MCF2: variants seen among roughly 807,000 people sequenced by gnomAD.
MCF2 encodes MCF.2 cell line derived transforming sequence.
In MCF2, 44 loss-of-function variants were observed where a neutral mutation model predicts 82.5. The observed-to-expected ratio is 0.53, with a 90% CI of 0.42 to 0.69. The LOEUF (loss-of-function observed/expected upper bound fraction) is 0.69. Ranked by LOEUF, MCF2 falls within the 30% of genes least tolerant of loss-of-function variation. The probability of loss-of-function intolerance (pLI) is 0.00; values close to 1 mark genes in which losing one functional copy is unlikely to be tolerated. For missense variants in MCF2, 623 were observed against 663.1 expected, an observed-to-expected ratio of 0.94 and a Z score of 0.66; for synonymous variants, 217 against 224.9, an observed-to-expected ratio of 0.96 and a Z score of 0.32.
chrX:139,662,619 A>G (rs1195587777), intron 1 of MCF2, among the ~76,000 whole-genome samples: 1 of 111,184 alleles, frequency 9.0e-6, no homozygotes, highest in East Asian at 2.8e-4. Flanking sequence ...ATTTTGTTAC[A>G]TGTATATAAT....
At chrX:139,696,348 TCTCCTCTC>T (rs1569405723) in intron 1 of MCF2, among the ~76,000 whole-genome samples, 1,277 of 99,050 alleles carry the variant, frequency 0.013, 17 homozygotes, top group African/African-American at 0.045. Flanking sequence ...TCTTCTCTCC[TCTCCTCTC>T]CTCTCCTCTC....
rs1931763858 is a variant in MCF2, at chrX:139,614,736, G to T, written c.1363+145C>A. The T allele has an allele frequency of 9.4e-6, 5 of 534,246 alleles. No individual in the cohort carries two copies. In the South Asian group the frequency reaches 1.6e-4, roughly 17 times the overall value. The allele number at this position is 534,246 out of a possible 1,213,427, so 44.0% of individuals were successfully genotyped here. On this transcript the variant is annotated intron_variant, in intron 10 of 24. Coordinates refer to ENST00000370576, the Ensembl canonical transcript of MCF2. ...GTACAATAACCTCAATCTGACTCTT[G>T]CCTTGCACAATATAAATATGACCAA... is the stretch of plus-strand genomic sequence containing the variant.
At chrX:139,650,535 T>A (rs112076697) in intron 2 of MCF2, among the ~76,000 whole-genome samples, 12,724 of 111,211 alleles carry the variant, frequency 0.11, 666 homozygotes, top group Admixed American at 0.22. Flanking sequence ...TTCGTCTTTA[T>A]AAAAACAATG....
intron 1 of MCF2, among the ~76,000 whole-genome samples, chrX:139,654,568 G>A (rs777898985): frequency 1.8e-5 from 2 of 111,823 alleles, no homozygotes; most frequent in Non-Finnish European, 3.8e-5. Flanking sequence ...GATAGTTTGC[G>A]AATATTTTCT....
rs749225913 is a variant in MCF2 at position 139,610,273 on chromosome X, C to G, written c.1401+28G>C. On this transcript the variant is annotated intron_variant, in intron 11 of 24. Coordinates refer to ENST00000370576, the Ensembl canonical transcript of MCF2. ...AACTCTGCAACTAAAGCAATAAAGTCAATTTTGAATTAATTAATGATATTT... is the reference window on the plus strand; with the variant it reads ...AACTCTGCAACTAAAGCAATAAAGTGAATTTTGAATTAATTAATGATATTT... 4.2e-5 allele frequency: 44 copies of G among 1,050,063 alleles called. No homozygotes were observed. In the Admixed American group the frequency reaches 5.7e-4, roughly 14 times the overall value. 86.5% of individuals were successfully genotyped at this position (1,050,063 alleles called of 1,213,427 possible).
rs1240338860 is a variant in MCF2, at chrX:139,619,571, T to C, written c.807+16A>G. The C allele has an allele frequency of 8.9e-7, 1 of 1,128,918 alleles. No individual in the cohort carries two copies. Among genetic ancestry groups the C allele is most frequent in the East Asian group, 3.0e-5 (1 of 33,027 alleles). The allele number at this position is 1,128,918 out of a possible 1,213,427, so 93.0% of individuals were successfully genotyped here. ...TATACTGTATAATATAGCAGACATC[T>C]AAAATACAATCTTACCTGAGAATTT... On this transcript the variant is annotated intron_variant, in intron 7 of 24. Coordinates refer to ENST00000370576, the Ensembl canonical transcript of MCF2.
intron 4 of MCF2, among the ~76,000 whole-genome samples, chrX:139,627,650 C>T (rs974115807): frequency 2.7e-5 from 3 of 111,386 alleles, no homozygotes; most frequent in African/African-American, 9.8e-5. Flanking sequence ...CATTAAAAGC[C>T]AATATTTACG....
At chrX:139,673,763 G>A (rs1022617557) in intron 1 of MCF2, among the ~76,000 whole-genome samples, 2 of 111,962 alleles carry the variant, frequency 1.8e-5, no homozygotes, top group Admixed American at 1.9e-4. Flanking sequence ...GAATAAATGT[G>A]ATGTGGTGCT....
intron 11 of MCF2, among the ~76,000 whole-genome samples, chrX:139,608,185 G>A (rs745392519): frequency 9.1e-6 from 1 of 109,940 alleles, no homozygotes; most frequent in Non-Finnish European, 1.9e-5. Flanking sequence ...AAAGACACAC[G>A]ACATAACTGA....
At position 139,634,612 on chromosome X, in the gene MCF2, A is replaced by T. The variant is rs188688266; in HGVS notation, c.52-2158T>A. Among the ~76,000 whole-genome samples the T allele has an allele frequency of 6.2e-4, 70 of 112,056 alleles. 2 individuals are homozygous for T. The highest frequency in any genetic ancestry group is 5.1e-3 in the East Asian group (18 of 3,562). On this transcript the variant is annotated intron_variant, in intron 1 of 24. Coordinates refer to ENST00000370576, the Ensembl canonical transcript of MCF2. ...AATTAAATCAATAAATTAAACAATGATTATCAATATACATAAATTGGGATG... is the reference window on the plus strand; with the variant it reads ...AATTAAATCAATAAATTAAACAATGTTTATCAATATACATAAATTGGGATG...
intron 1 of MCF2, 83 bp from the exon 2 acceptor site, chrX:139,651,871 G>T: frequency 1.7e-6 from 1 of 572,705 alleles, no homozygotes; most frequent in Non-Finnish European, 2.8e-6. Flanking sequence ...TTCTCACTGT[G>T]TCTAAAATTA....
intron 23 of MCF2, 65 bp downstream of exon 27, chrX:139,586,313 T>C: frequency 1.2e-6 from 1 of 816,364 alleles, no homozygotes; most frequent in South Asian, 2.2e-5. Context: ...GATTTCCAAA[T>C]TAATAATACG....
rs149199397 is a variant in MCF2, at chrX:139,671,153, T to C, written c.-44-19365A>G. 8.3e-3 allele frequency among the ~76,000 whole-genome samples: 933 copies of C among 112,219 alleles called. 7 individuals are homozygous for C. The highest frequency in any genetic ancestry group is 0.028 in the African/African-American group (853 of 30,856). On this transcript the variant is annotated intron_variant, in intron 1 of 27. Transcript: ENST00000414978. ...TTCATATCCTTTGCCCACTTTTTAA[T>C]GGGGTTCTTTGTTTTTTCCTTGTAA...
intron 1 of MCF2, among the ~76,000 whole-genome samples, chrX:139,662,730 A>G (rs1180627007): frequency 9.1e-6 from 1 of 110,436 alleles, no homozygotes; most frequent in Non-Finnish European, 1.9e-5. Context: ...CTACTCTACT[A>G]TGAAACACTG....
At chrX:139,701,162 T>C (rs188415144) in intron 1 of MCF2, among the ~76,000 whole-genome samples, 10 of 111,561 alleles carry the variant, frequency 9.0e-5, no homozygotes, top group African/African-American at 3.3e-4. Context: ...ATTCTATACC[T>C]CCTCTTGGTC....
rs943951192 is a variant in MCF2, at chrX:139,658,682, T to G, written c.-44-6894A>C. Among the ~76,000 whole-genome samples the G allele has an allele frequency of 9.3e-5, 9 of 97,184 alleles. No homozygotes were observed. In the East Asian group the frequency reaches 2.8e-3, roughly 31 times the overall value. The allele number at this position is 97,184 out of a possible 115,157, so 84.4% of individuals were successfully genotyped here. A position where few individuals can be genotyped will look rare whatever the true frequency, so the allele number is the denominator to read the frequency against. ...AAAAAGATGTGTTTTTTTTTTTTTT[T>G]TTTTTTTTTTGAGACAAGGTCTCAC... On this transcript the variant is annotated intron_variant, in intron 1 of 27. Coordinates refer to the MCF2 transcript ENST00000414978.
intron 1 of MCF2, among the ~76,000 whole-genome samples, chrX:139,676,329 C>T (rs1934862391): frequency 8.9e-6 from 1 of 111,909 alleles, no homozygotes; most frequent in Non-Finnish European, 1.9e-5. Flanking sequence ...ATGCGCTGCA[C>T]CCACTGTCCA....
intron 1 of MCF2, among the ~76,000 whole-genome samples, chrX:139,636,913 T>C (rs1933256205): frequency 8.9e-6 from 1 of 111,750 alleles, no homozygotes; most frequent in Admixed American, 9.5e-5. Context: ...GATAATTCTA[T>C]ATGCTAATCA....
intron 1 of MCF2, among the ~76,000 whole-genome samples, chrX:139,690,418 T>C (rs2148575383): frequency 9.4e-6 from 1 of 106,916 alleles, no homozygotes; most frequent in Non-Finnish European, 1.9e-5. Flanking sequence ...CTTTCCACTG[T>C]ACTGCACGGA....
Sources: gnomAD v4.1 joint callset for allele counts (sites outside exome capture counted in the v4.1 genomes callset) on GRCh38, gnomAD v4.1.1 for gene constraint, MANE v1.5 for transcripts, NCBI Gene and HGNC (gene_info 2026-07-23, HGNC 2026-07-21) for gene names.